HGSNAT: variants seen among roughly 807,000 people sequenced by gnomAD.
HGSNAT encodes the protein heparan-alpha-glucosaminide N-acetyltransferase.
A neutral mutation model predicts 85.2 loss-of-function variants in HGSNAT; 59 were observed. The ratio of observed to expected loss-of-function variants is 0.69; its 90% CI spans 0.56 to 0.86. The LOEUF (loss-of-function observed/expected upper bound fraction) is 0.86, where lower values mean the gene tolerates loss of function less well. HGSNAT is among the 40% of genes least tolerant of loss of function. HGSNAT has a pLI of 0.00. For synonymous variants in HGSNAT, 321 were observed against 304.5 expected (o/e 1.05, Z -0.56); for missense variants, 756 against 777.1 (o/e 0.97, Z 0.32).
chr8:43,201,862 G>C lies in HGSNAT; in HGVS notation c.*2293G>C, dbSNP rs953861283. The C allele has an allele frequency of 2.6e-5, 4 of 152,178 alleles. No individual in the cohort carries two copies. Among genetic ancestry groups the C allele is most frequent in the African/African-American group, 9.7e-5 (4 of 41,424 alleles). 9.4% of individuals were successfully genotyped at this position (152,178 alleles called of 1,614,324 possible). On this transcript the variant is annotated 3_prime_UTR_variant, in exon 18 of 18. Coordinates refer to ENST00000379644, the MANE Select transcript of HGSNAT (RefSeq NM_152419.3). The surrounding 1 kb of genome is among the most constrained non-coding windows in gnomAD (Gnocchi z 4.4). The stretch of plus-strand genomic sequence containing the variant: ...TTTTTAAAATAAATATTTAAGTGCT[G>C]GTAAGATGAGCATGTATCCGGGGTG...
chr8:43,197,776 C>T, intron 16 of HGSNAT, 34 bp downstream of exon 16: 3 of 1,595,796 alleles, frequency 1.9e-6, no homozygotes, highest in Non-Finnish European at 2.6e-6. Flanking sequence ...TTATGGATGA[C>T]TGTTCATGCT....
rs368058038 is a variant in HGSNAT, at chr8:43,173,741, G to A, written c.849G>A (p.Pro283=). 5 of 1,612,294 alleles carry A rather than the reference G, an allele frequency of 3.1e-6. No homozygotes were observed. Among genetic ancestry groups the A allele is most frequent in the Admixed American group, 1.7e-5 (1 of 59,788 alleles). ...NGLTVADLVF[P]WFVFIMGSSI... ...TGACAGTGGCTGACCTCGTGTTCCC[G>A]TGGTGAGTTGCCGGTCTGCCCTCTT... The change falls in exon 9 of 18, where the codon CCG becomes CCA. Residue 283 remains proline, a splice_region_variant and synonymous_variant. Transcript: ENST00000379644.
chr8:43,196,410 G>A (rs1454936812), intron 14 of HGSNAT: 2 of 1,270,866 alleles, frequency 1.6e-6, no homozygotes, highest in South Asian at 2.5e-5. Flanking sequence ...GTTCCACCCT[G>A]TCCCGGTCCC....
intron 14 of HGSNAT, 41 bp from the exon 15 acceptor site, chr8:43,196,907 C>CA: frequency 8.1e-7 from 1 of 1,227,702 alleles, no homozygotes; most frequent in Non-Finnish European, 1.2e-6. Flanking sequence ...AAAAATATCC[C>CA]TTTGGCGATT....
In HGSNAT at chr8:43,196,962, A is replaced by G. The variant is rs751229126; in HGVS notation, c.1479A>G (p.Leu493=). The change falls in exon 15 of 18, where the codon CTA becomes CTG. Residue 493 remains leucine, a synonymous_variant. Transcript: ENST00000379644. ...ATCTCCTCCAGGCAGGAAAAATACTATTGTATTACAAGGCTCGGACCAAAG... is the reference window on the plus strand; with the variant it reads ...ATCTCCTCCAGGCAGGAAAAATACTGTTGTATTACAAGGCTCGGACCAAAG... ...AFLGVQAGKI[L]LYYKARTKDI... 5.6e-6 allele frequency: 9 copies of G among 1,607,616 alleles called. No individual in the cohort carries two copies. Among genetic ancestry groups the G allele is most frequent in the East Asian group, 2.2e-5 (1 of 44,846 alleles).
intron 9 of HGSNAT, among the ~76,000 whole-genome samples, chr8:43,176,273 C>T (rs528790384): frequency 6.6e-6 from 1 of 152,192 alleles, no homozygotes; most frequent in East Asian, 1.9e-4. Flanking sequence ...TATGAATATC[C>T]AGTTTTCTAG....
At chr8:43,162,531 T>G (rs1244366892) in intron 5 of HGSNAT, among the ~76,000 whole-genome samples, 1 of 152,052 alleles carries the variant, frequency 6.6e-6, no homozygotes, top group Non-Finnish European at 1.5e-5. Context: ...AGGATGCTTT[T>G]CACGTAAATG....
intron 4 of HGSNAT, 98 bp downstream of exon 4, chr8:43,159,142 G>A: frequency 7.7e-7 from 1 of 1,290,674 alleles, no homozygotes; most frequent in Non-Finnish European, 1.1e-6. Flanking sequence ...GACGCTTTCT[G>A]TAGTTGAAAA....
At chr8:43,166,682 T>C (rs945042581) in intron 5 of HGSNAT, among the ~76,000 whole-genome samples, 4 of 152,218 alleles carry the variant, frequency 2.6e-5, no homozygotes, top group African/African-American at 9.6e-5. Flanking sequence ...TGAATGTTGT[T>C]TTCATGCCTG....
At chr8:43,141,512 T>G (rs1802544239) in intron 1 of HGSNAT, among the ~76,000 whole-genome samples, 1 of 151,964 alleles carries the variant, frequency 6.6e-6, no homozygotes, top group Admixed American at 6.6e-5. Flanking sequence ...AGGCCCTAGG[T>G]CCTTCGCACA....
chr8:43,201,437 C>T lies in HGSNAT; in HGVS notation c.*1868C>T, dbSNP rs998796959. The T allele has an allele frequency of 1.3e-5, 2 of 152,314 alleles. No individual in the cohort carries two copies. The highest frequency in any genetic ancestry group is 4.8e-5 in the African/African-American group (2 of 41,428). The allele number at this position is 152,314 out of a possible 1,614,324, so 9.4% of individuals were successfully genotyped here. ...ATCCAGCCCAGCGGGGCTTCTCCTG[C>T]CTCCATCACATCACAGAAGTACCTC... On this transcript the variant is annotated 3_prime_UTR_variant, in exon 18 of 18. Transcript: ENST00000379644. This position sits in a 1 kb window ranked among gnomAD's most constrained non-coding sequence, Gnocchi z 4.4.
intron 1 of HGSNAT, among the ~76,000 whole-genome samples, chr8:43,145,702 G>C (rs941819410): frequency 6.6e-6 from 1 of 151,928 alleles, no homozygotes; most frequent in African/African-American, 2.4e-5. Context: ...AGTGAGCCGA[G>C]ATCGCGCCAC....
chr8:43,159,009 T>C lies in HGSNAT; in HGVS notation c.458T>C (p.Leu153Pro). ...HNGVSEIACDLAVNEDPVDSN... is the reference protein window; with the variant it reads ...HNGVSEIACDPAVNEDPVDSN... ...GGAGTTAGTGAAATTGCCTGTGACC[T>C]GGCTGTGAACGAGGATCCAGTTGAT... Residue 153 changes from leucine (L) to proline (P), a missense_variant, in exon 4 of 18, where the codon CTG becomes CCG. Coordinates refer to ENST00000379644, the MANE Select transcript of HGSNAT (RefSeq NM_152419.3). The C allele has an allele frequency of 6.2e-7, 1 of 1,613,800 alleles. No individual in the cohort carries two copies. Among genetic ancestry groups the C allele is most frequent in the Non-Finnish European group, 8.5e-7 (1 of 1,179,764 alleles).
At chr8:43,168,384 C>CTTTTTTTTTTT (rs34270087) in intron 5 of HGSNAT, among the ~76,000 whole-genome samples, 4 of 70,248 alleles carry the variant, frequency 5.7e-5, no homozygotes, top group Admixed American at 2.4e-4. Context: ...AATAGTTGAT[C>CTTTTTTTTTTT]TTTTTTTTTT....
chr8:43,189,045 C>T (rs953252727), intron 11 of HGSNAT, among the ~76,000 whole-genome samples: 1 of 152,200 alleles, frequency 6.6e-6, no homozygotes, highest in Non-Finnish European at 1.5e-5. Flanking sequence ...TCGGTCCCTA[C>T]TGGGAGGTGT....
rs749263321 is a variant in HGSNAT, at chr8:43,166,096, G to A, written c.564-3077G>A. 2.9e-4 allele frequency among the ~76,000 whole-genome samples: 44 copies of A among 152,322 alleles called. 1 individual carries two copies. The highest frequency in any genetic ancestry group is 5.2e-4 in the Admixed American group (8 of 15,288). ...CAGTTCTGTAGAGACTAAGAGAAGT[G>A]AGGAATCTGCAGAAGAAAAGTTGGA... On this transcript the variant is annotated intron_variant, in intron 5 of 17. Coordinates refer to ENST00000379644, the MANE Select transcript of HGSNAT (RefSeq NM_152419.3).
rs777146364 is a variant in HGSNAT at position 43,178,074 on chromosome 8, G to C, written c.852G>C (p.Trp284Cys). The part of the protein sequence containing the change: ...GLTVADLVFP[W>C]FVFIMGSSIF... ...CTATTAATAACTAGATTCTTTTTAG[G>C]TTTGTATTTATTATGGGATCTTCCA... Residue 284 changes from tryptophan (W) to cysteine (C), a missense_variant and splice_region_variant, in exon 10 of 18, where the codon TGG becomes TGC. Physicochemically the swap from Trp to Cys is radical, Grantham distance 215 (BLOSUM62 -2). Coordinates refer to ENST00000379644, the MANE Select transcript of HGSNAT (RefSeq NM_152419.3). 1 of 1,612,744 alleles carries C rather than the reference G, an allele frequency of 6.2e-7. No homozygotes were observed. Among genetic ancestry groups the C allele is most frequent in the Non-Finnish European group, 8.5e-7 (1 of 1,179,196 alleles).
chr8:43,181,433 C>A (rs1035094507), intron 10 of HGSNAT, among the ~76,000 whole-genome samples: 2 of 151,974 alleles, frequency 1.3e-5, no homozygotes, highest in African/African-American at 4.8e-5. Context: ...AGTCACTGTC[C>A]TCAAGGGCCT....
At chr8:43,149,982 A>T (rs1428738892) in intron 2 of HGSNAT, among the ~76,000 whole-genome samples, 1 of 151,976 alleles carries the variant, frequency 6.6e-6, no homozygotes, top group Non-Finnish European at 1.5e-5. Flanking sequence ...TTTAAGACGG[A>T]GTCTTGCTCT....
Sources: allele counts gnomAD v4.1 joint callset (sites outside exome capture counted in the v4.1 genomes callset), GRCh38; gene constraint gnomAD v4.1.1; non-coding constraint Gnocchi (gnomAD v3.1); transcripts MANE v1.5; gene names NCBI Gene and HGNC (gene_info 2026-07-23, HGNC 2026-07-21).